AMER3: variants seen among roughly 807,000 people sequenced by gnomAD.
AMER3 encodes APC membrane recruitment protein 3.
For missense variants in AMER3, 1,201 were observed against 1,139.4 expected (o/e 1.05, Z -0.78); for synonymous variants, 541 against 485.5 (o/e 1.11, Z -1.50).
At position 130,762,342 on chromosome 2, in the gene AMER3, A is replaced by T. The variant is rs1457987391; in HGVS notation, c.270A>T (p.Arg90=). Residue 90 remains arginine (R), a synonymous_variant, in exon 2 of 2, where the codon CGA becomes CGT. Coordinates refer to ENST00000321420, the MANE Select transcript of AMER3 (RefSeq NM_152698.3). ...ALCGATFKPV[R]KCKTHDSMSG... ...GTGGAGCCACCTTCAAACCGGTGCG[A>T]AAGTGCAAGACTCACGACAGCATGT... 6.2e-7 allele frequency: 1 copy of T among 1,611,716 alleles called. No individual in the cohort carries two copies. Among genetic ancestry groups the T allele is most frequent in the South Asian group, 1.1e-5 (1 of 90,836 alleles).
chr2:130,761,542 G>T (rs925950792), intron 1 of AMER3, among the ~76,000 whole-genome samples: 4 of 152,192 alleles, frequency 2.6e-5, no homozygotes, highest in African/African-American at 9.6e-5. Flanking sequence ...CCCTGCACAG[G>T]CACACAGTCC....
chr2:130,757,605 C>T (rs1212794196), intron 1 of AMER3, among the ~76,000 whole-genome samples: 2 of 152,218 alleles, frequency 1.3e-5, no homozygotes, highest in African/African-American at 4.8e-5. Context: ...TATTCTACTT[C>T]TCTTGCTCCT....
Position 130,764,558 on chromosome 2 carries a change from C to T in AMER3, c.2486C>T (p.Ala829Val), listed in dbSNP as rs751309636. ...SQQEGGVSAS[A>V]PECRCSLLAR... is the part of the protein sequence containing the mutation. ...CAGGAAGGGGGGGTCTCTGCAAGTG[C>T]CCCAGAATGCCGCTGCAGCCTCCTG... The change falls in exon 2 of 2, where the codon GCC (alanine) becomes GTC (valine). Residue 829 changes from alanine to valine, a missense_variant. Physicochemically the swap from Ala to Val is moderately conservative, Grantham distance 64. Coordinates refer to ENST00000321420, the MANE Select transcript of AMER3 (RefSeq NM_152698.3). The T allele has an allele frequency of 5.0e-6, 8 of 1,603,796 alleles. No homozygotes were observed. Among genetic ancestry groups the T allele is most frequent in the Non-Finnish European group, 6.8e-6 (8 of 1,176,050 alleles).
rs1447257704 is a variant in AMER3, at chr2:130,763,336, C to A, written c.1264C>A (p.Leu422Ile). The A allele has an allele frequency of 1.2e-6, 2 of 1,613,472 alleles. No homozygotes were observed. The highest frequency in any genetic ancestry group is 1.7e-6 in the Non-Finnish European group (2 of 1,180,008). Residue 422 changes from leucine (L) to isoleucine (I), a missense_variant, in exon 2 of 2, where the codon CTC becomes ATC. Physicochemically the swap from Leu to Ile is conservative, Grantham distance 5. Coordinates refer to ENST00000321420, the MANE Select transcript of AMER3 (RefSeq NM_152698.3). ...ACGGGACAGCTACAGTGGGGACGCC[C>A]TCTACGAGCTCTTCCACGACCCCAG... ...FPRDSYSGDA[L>I]YELFHDPSEG...
intron 1 of AMER3, among the ~76,000 whole-genome samples, chr2:130,760,711 G>A (rs796313507): frequency 6.6e-5 from 10 of 152,152 alleles, no homozygotes; most frequent in African/African-American, 2.4e-4. Flanking sequence ...TGAGTCCAGG[G>A]CCTGAGGACA....
At chr2:130,755,699 T>G (rs903618021) in intron 1 of AMER3, 25 bp downstream of exon 1, 62 of 152,436 alleles carry the variant, frequency 4.1e-4, no homozygotes, top group African/African-American at 1.5e-3. Flanking sequence ...GGCAAGTGCC[T>G]CTTTCGTTCT....
In AMER3 at chr2:130,763,322, A is replaced by G. The variant is rs769106723; in HGVS notation, c.1250A>G (p.Tyr417Cys). The change falls in exon 2 of 2, where the codon TAC becomes TGC. Residue 417 changes from tyrosine to cysteine, a missense_variant. Transcript: ENST00000321420. Reference protein sequence around the residue: ...TPAATFPRDSYSGDALYELFH... With the variant: ...TPAATFPRDSCSGDALYELFH... Reference sequence around the variant, plus strand: ...GCCGCCACCTTCCCACGGGACAGCTACAGTGGGGACGCCCTCTACGAGCTC... The same window carrying G: ...GCCGCCACCTTCCCACGGGACAGCTGCAGTGGGGACGCCCTCTACGAGCTC... 5.6e-6 allele frequency: 9 copies of G among 1,613,484 alleles called. No homozygotes were observed. The highest frequency in any genetic ancestry group is 1.7e-5 in the Admixed American group (1 of 60,002).
rs1678958110 is a variant in AMER3, at chr2:130,765,492, G to C, written c.*834G>C. 1 of 166,996 alleles carries C rather than the reference G, an allele frequency of 6.0e-6. No homozygotes were observed. The highest frequency in any genetic ancestry group is 1.5e-5 in the Non-Finnish European group (1 of 68,130). 10.3% of individuals were successfully genotyped at this position (166,996 alleles called of 1,614,324 possible). On this transcript the variant is annotated 3_prime_UTR_variant, in exon 2 of 2. Coordinates refer to ENST00000321420, the MANE Select transcript of AMER3 (RefSeq NM_152698.3). ...CACACACAGTTGCCCAAAGAGCGGAGATGGCAAGAACTTTCATCTCTCACA... is the reference window on the plus strand; with the variant it reads ...CACACACAGTTGCCCAAAGAGCGGACATGGCAAGAACTTTCATCTCTCACA...
intron 1 of AMER3, among the ~76,000 whole-genome samples, chr2:130,760,707 CAGGGCCTG>C (rs2104776537): frequency 6.6e-6 from 1 of 152,238 alleles, no homozygotes; most frequent in African/African-American, 2.4e-5. Context: ...AGGCTGAGTC[CAGGGCCTG>C]AGGACATGGT....
chr2:130,763,944 A>G lies in AMER3; in HGVS notation c.1872A>G (p.Thr624=). The G allele has an allele frequency of 6.2e-7, 1 of 1,613,744 alleles. No homozygotes were observed. Among genetic ancestry groups the G allele is most frequent in the South Asian group, 1.1e-5 (1 of 91,086 alleles). ...TGGAGTCTGCAGCCACTTCGACAAC[A>G]GATACTTCCGGTAAAAATAAGGCCC... ...SSMESAATST[T]DTSGKNKAPV... The change falls in exon 2 of 2, where the codon ACA becomes ACG. Residue 624 remains threonine, a synonymous_variant. Transcript: ENST00000321420.
rs772287011 is a variant in AMER3 at position 130,764,601 on chromosome 2, C to T, written c.2529C>T (p.Leu843=). The T allele has an allele frequency of 3.1e-6, 5 of 1,607,054 alleles. No homozygotes were observed. Among genetic ancestry groups the T allele is most frequent in the Non-Finnish European group, 3.4e-6 (4 of 1,178,058 alleles). Residue 843 remains leucine (L), a synonymous_variant, in exon 2 of 2, where the codon CTC becomes CTT. Coordinates refer to ENST00000321420, the MANE Select transcript of AMER3 (RefSeq NM_152698.3). ...GCCTCCTGGCCCGTGAGGGCCTCCT[C>T]TGTGGCCAGCCAGAAGTGGGGGCCT... ...RCSLLAREGL[L]CGQPEVGASG... is the part of the protein sequence containing the mutation.
intron 1 of AMER3, among the ~76,000 whole-genome samples, chr2:130,760,026 T>C (rs1267325228): frequency 1.3e-5 from 2 of 152,160 alleles, no homozygotes; most frequent in African/African-American, 2.4e-5. Flanking sequence ...TGCAAAGGAT[T>C]GTGCAGAGTA....
In AMER3 at chr2:130,764,030, G is replaced by A; in HGVS notation, c.1958G>A (p.Cys653Tyr). Reference protein sequence around the residue: ...KEPGPPGVLGCFRGPWRPGHG... With the variant: ...KEPGPPGVLGYFRGPWRPGHG... ...CCTGGGCCACCAGGGGTCCTGGGGT[G>A]TTTCCGAGGCCCCTGGAGGCCAGGT... The change falls in exon 2 of 2, where the codon TGT becomes TAT. Residue 653 changes from cysteine (C) to tyrosine (Y), a missense_variant. Coordinates refer to ENST00000321420, the MANE Select transcript of AMER3 (RefSeq NM_152698.3). The A allele has an allele frequency of 6.2e-7, 1 of 1,612,950 alleles. No individual in the cohort carries two copies. Among genetic ancestry groups the A allele is most frequent in the Non-Finnish European group, 8.5e-7 (1 of 1,179,736 alleles).
intron 1 of AMER3, among the ~76,000 whole-genome samples, chr2:130,759,339 A>G (rs1262181010): frequency 6.6e-6 from 1 of 152,240 alleles, no homozygotes; most frequent in Non-Finnish European, 1.5e-5. Flanking sequence ...AAATCAGTTG[A>G]CTGTTATGAG....
At chr2:130,758,376 AAGAG>A (rs373704213) in intron 1 of AMER3, among the ~76,000 whole-genome samples, 6 of 149,280 alleles carry the variant, frequency 4.0e-5, no homozygotes, top group African/African-American at 7.4e-5. Flanking sequence ...GAAAGAAGGA[AAGAG>A]AGAGAGAGAG....
rs868833929 is a variant in AMER3, at chr2:130,763,044, C to T, written c.972C>T (p.Leu324=). Residue 324 remains leucine, a synonymous_variant, in exon 2 of 2, where the codon CTC becomes CTT. Coordinates refer to ENST00000321420, the MANE Select transcript of AMER3 (RefSeq NM_152698.3). ...NRSVRQQQRA[L]LGPWLSGPQG... ...CAGTGCGTCAGCAGCAGCGTGCCCT[C>T]CTAGGCCCGTGGCTTTCAGGCCCCC... The T allele has an allele frequency of 1.9e-5, 31 of 1,613,150 alleles. No individual in the cohort carries two copies. In the Middle Eastern group the frequency reaches 2.0e-3, roughly 103 times the overall value.
At position 130,764,539 on chromosome 2, in the gene AMER3, G is replaced by C; in HGVS notation, c.2467G>C (p.Gly823Arg). 3.1e-6 allele frequency: 5 copies of C among 1,603,294 alleles called. No homozygotes were observed. Among genetic ancestry groups the C allele is most frequent in the Non-Finnish European group, 4.3e-6 (5 of 1,175,642 alleles). The stretch of plus-strand genomic sequence containing the variant: ...CCTCACTTTGAACAGCCAGCAGGAA[G>C]GGGGGGTCTCTGCAAGTGCCCCAGA... ...LGLTLNSQQE[G>R]GVSASAPECR... Residue 823 changes from glycine to arginine, a missense_variant, in exon 2 of 2, where the codon GGG becomes CGG. Gly to Arg is a moderately radical substitution (Grantham distance 125). Coordinates refer to ENST00000321420, the MANE Select transcript of AMER3 (RefSeq NM_152698.3).
Position 130,763,067 on chromosome 2 carries a change from C to T in AMER3, c.995C>T (p.Pro332Leu), listed in dbSNP as rs372383192. The T allele has an allele frequency of 4.0e-5, 64 of 1,613,334 alleles. No individual in the cohort carries two copies. Among genetic ancestry groups the T allele is most frequent in the African/African-American group, 8.0e-5 (6 of 74,930 alleles). The change falls in exon 2 of 2, where the codon CCC becomes CTC. Residue 332 changes from proline to leucine, a missense_variant. Pro to Leu is a moderately conservative substitution (Grantham distance 98). Coordinates refer to ENST00000321420, the MANE Select transcript of AMER3 (RefSeq NM_152698.3). ...RALLGPWLSGPQGTDRDQSRL... is the reference protein window; with the variant it reads ...RALLGPWLSGLQGTDRDQSRL... Reference sequence around the variant, plus strand: ...CTCCTAGGCCCGTGGCTTTCAGGCCCCCAGGGGACAGACAGGGACCAATCC... The same window carrying T: ...CTCCTAGGCCCGTGGCTTTCAGGCCTCCAGGGGACAGACAGGGACCAATCC...
At position 130,764,023 on chromosome 2, in the gene AMER3, C is replaced by T; in HGVS notation, c.1951C>T (p.Leu651=). 1.2e-6 allele frequency: 2 copies of T among 1,613,156 alleles called. No homozygotes were observed. Among genetic ancestry groups the T allele is most frequent in the Middle Eastern group, 1.7e-4 (1 of 6,054 alleles). Residue 651 remains leucine, a synonymous_variant, in exon 2 of 2, where the codon CTG becomes TTG. Coordinates refer to ENST00000321420, the MANE Select transcript of AMER3 (RefSeq NM_152698.3). ...SQKEPGPPGV[L]GCFRGPWRPG... is the part of the protein sequence containing the mutation. ...GAAGGAGCCTGGGCCACCAGGGGTC[C>T]TGGGGTGTTTCCGAGGCCCCTGGAG...
Sources: allele counts gnomAD v4.1 joint callset (sites outside exome capture counted in the v4.1 genomes callset), GRCh38; gene constraint gnomAD v4.1.1; transcripts MANE v1.5; gene names NCBI Gene and HGNC (gene_info 2026-07-23, HGNC 2026-07-21).